Variants in SOX6 observed in about 807,000 individuals in gnomAD.
SOX6 encodes SRY-box transcription factor 6.
In SOX6, 11 loss-of-function variants were observed where a neutral mutation model predicts 97.8. The ratio of observed to expected loss-of-function variants is 0.11; its 90% CI spans 0.07 to 0.19. SOX6 has a LOEUF of 0.19. SOX6 is among the 10% of genes least tolerant of loss of function. The probability of loss-of-function intolerance (pLI) is 1.00; values close to 1 mark genes in which losing one functional copy is unlikely to be tolerated. For missense variants in SOX6, 810 were observed against 1,039.5 expected (o/e 0.78, Z 3.04); for synonymous variants, 360 against 371.4 (o/e 0.97, Z 0.35).
rs1404316043 is a variant in SOX6 at position 16,300,882 on chromosome 11, C to T, written c.445+17564G>A. ...TCATCATCCAATAATATTTATTAAGCACCATAAGATAAGATAAGGGATCAC... is the reference window on the plus strand; with the variant it reads ...TCATCATCCAATAATATTTATTAAGTACCATAAGATAAGATAAGGGATCAC... On this transcript the variant is annotated intron_variant, in intron 3 of 15. Transcript: ENST00000683767. The surrounding 1 kb of genome is among the most constrained non-coding windows in gnomAD (Gnocchi z 4.1). 2.0e-5 allele frequency among the ~76,000 whole-genome samples: 3 copies of T among 152,150 alleles called. No homozygotes were observed. Among genetic ancestry groups the T allele is most frequent in the Non-Finnish European group, 4.4e-5 (3 of 68,026 alleles).
At chr11:16,692,076 TGTGTGTGTGTGTGC>T (rs1482481946) in intron 3 of SOX6, among the ~76,000 whole-genome samples, 9 of 129,458 alleles carry the variant, frequency 7.0e-5, no homozygotes, top group African/African-American at 2.2e-4. Flanking sequence ...TGTGTGTGTG[TGTGTGTGTGTGTGC>T]GCGCGCGCGC....
chr11:16,004,583 C>T (rs1854497642), intron 13 of SOX6, among the ~76,000 whole-genome samples: 1 of 151,808 alleles, frequency 6.6e-6, no homozygotes, highest in Non-Finnish European at 1.5e-5. Context: ...CTGATGGGCC[C>T]ACCAATACTT....
chr11:15,969,651 C>T lies in SOX6; in HGVS notation c.*3158G>A, dbSNP rs1853247115. ...TAGAGAACAAAAAGGAAATACATAA[C>T]TTATATCTCACTAAGTATTCATGAA... On this transcript the variant is annotated 3_prime_UTR_variant, in exon 16 of 16. Coordinates refer to ENST00000683767, the MANE Select transcript of SOX6 (RefSeq NM_001367873.1). 6.6e-6 allele frequency: 1 copy of T among 152,012 alleles called. No individual in the cohort carries two copies. The allele number at this position is 152,012 out of a possible 1,614,324, so 9.4% of individuals were successfully genotyped here.
intron 9 of SOX6, among the ~76,000 whole-genome samples, chr11:16,088,293 T>C (rs1848617492): frequency 6.6e-6 from 1 of 152,126 alleles, no homozygotes; most frequent in Non-Finnish European, 1.5e-5. Context: ...CATTGACACA[T>C]CATAATCACC....
chr11:16,127,967 C>A (rs1178824036), intron 6 of SOX6, among the ~76,000 whole-genome samples: 1 of 152,158 alleles, frequency 6.6e-6, no homozygotes, highest in African/African-American at 2.4e-5. Flanking sequence ...CTTTAATAAA[C>A]AAACCTTACT....
At chr11:16,207,453 G>A (rs1003050467) in intron 4 of SOX6, among the ~76,000 whole-genome samples, 1 of 151,970 alleles carries the variant, frequency 6.6e-6, no homozygotes, top group African/African-American at 2.4e-5. Context: ...AAATTAGCCA[G>A]GCATGGTGGC....
chr11:16,160,769 T>C (rs1372679696), intron 6 of SOX6, among the ~76,000 whole-genome samples: 1 of 152,188 alleles, frequency 6.6e-6, no homozygotes, highest in African/African-American at 2.4e-5. Context: ...AGCAGCACAG[T>C]GAGCCCAGGG....
chr11:16,444,875 A>G (rs910005473), intron 1 of SOX6, among the ~76,000 whole-genome samples: 1 of 152,238 alleles, frequency 6.6e-6, no homozygotes, highest in Non-Finnish European at 1.5e-5. Context: ...AGTGGGTTAC[A>G]GATTGCTGGA....
Position 16,347,465 on chromosome 11 carries a change from C to T in SOX6, c.-4-6213G>A, listed in dbSNP as rs553718774. Among the ~76,000 whole-genome samples, 14 of 152,172 alleles carry T rather than the reference C, an allele frequency of 9.2e-5. No homozygotes were observed. The East Asian group carries it at 2.7e-3, about 29-fold the overall frequency. On this transcript the variant is annotated intron_variant, in intron 1 of 15. Transcript: ENST00000683767. ...ACTAACTTAGAGGATTTTAATCTAG[C>T]ACAATGACTTTATAGCTCAACGAAA...
At chr11:16,286,741 T>C (rs1370254233) in intron 3 of SOX6, among the ~76,000 whole-genome samples, 1 of 152,176 alleles carries the variant, frequency 6.6e-6, no homozygotes, top group African/African-American at 2.4e-5. Flanking sequence ...TCATGTTTCA[T>C]ATAAGGAATA....
intron 3 of SOX6, among the ~76,000 whole-genome samples, chr11:16,265,416 G>C (rs932116896): frequency 6.6e-6 from 1 of 151,688 alleles, no homozygotes; most frequent in Non-Finnish European, 1.5e-5. Flanking sequence ...GCCTTATCCT[G>C]CTTGGAAACT....
At chr11:16,534,803 T>C (rs1270295296) in intron 4 of SOX6, among the ~76,000 whole-genome samples, 1 of 152,206 alleles carries the variant, frequency 6.6e-6, no homozygotes, top group East Asian at 1.9e-4. Flanking sequence ...AAGAGACATT[T>C]AGAAAAGCTT....
chr11:16,117,468 G>T (rs12575412), intron 6 of SOX6, among the ~76,000 whole-genome samples: 14,209 of 152,178 alleles, frequency 0.093, 1,344 homozygotes, highest in East Asian at 0.37. Context: ...ATGACCCAAT[G>T]CAAGTGATAT....
chr11:16,565,721 TAAAAAAAAAAAAA>T lies in SOX6; in HGVS notation n.609+46347_609+46359del, dbSNP rs869172397. On this transcript the variant is annotated intron_variant and non_coding_transcript_variant, in intron 4 of 5. Transcript: ENST00000524520. ...AAAAATAAAAAAATAAATAAATAAA[TAAAAAAAAAAAAA>T]AAAAAAAAAAAAAAAAAAAAAAAAC... Among the ~76,000 whole-genome samples, 20 of 6,484 alleles carry T rather than the reference TAAAAAAAAAAAAA, an allele frequency of 3.1e-3. 4 individuals are homozygous for T. Among genetic ancestry groups the T allele is most frequent in the African/African-American group, 0.011 (20 of 1,844 alleles). The allele number at this position is 6,484 out of a possible 152,430, so 4.3% of individuals were successfully genotyped here.
intron 9 of SOX6, among the ~76,000 whole-genome samples, chr11:16,095,015 T>C (rs1002012258): frequency 6.6e-6 from 1 of 151,832 alleles, no homozygotes; most frequent in East Asian, 1.9e-4. Flanking sequence ...GACTACATAG[T>C]GTTTGAGCTA....
chr11:16,484,722 A>G, intron 4 of SOX6: 2 of 514,206 alleles, frequency 3.9e-6, no homozygotes, highest in Non-Finnish European at 7.0e-6. Context: ...AGTTCAGTCC[A>G]AGATAAATCT....
At chr11:16,172,481 T>C (rs1345191537) in intron 6 of SOX6, among the ~76,000 whole-genome samples, 3 of 152,010 alleles carry the variant, frequency 2.0e-5, no homozygotes, top group Non-Finnish European at 4.4e-5. Context: ...GGGGCAAGCA[T>C]TACAAGCCAT....
At chr11:16,472,625 C>T (rs538666226) in intron 1 of SOX6, among the ~76,000 whole-genome samples, 14 of 151,980 alleles carry the variant, frequency 9.2e-5, no homozygotes, top group African/African-American at 2.9e-4. Context: ...ATTATTAAAA[C>T]ATTAAAAATA....
chr11:16,250,887 T>C (rs1172202129), intron 3 of SOX6, among the ~76,000 whole-genome samples: 1 of 152,030 alleles, frequency 6.6e-6, no homozygotes, highest in Non-Finnish European at 1.5e-5. Flanking sequence ...CAAGTGCACA[T>C]AGAAAATGAC....
Sources: allele counts gnomAD v4.1 joint callset (sites outside exome capture counted in the v4.1 genomes callset), GRCh38; gene constraint gnomAD v4.1.1; non-coding constraint Gnocchi (gnomAD v3.1); transcripts MANE v1.5; gene names NCBI Gene and HGNC (gene_info 2026-07-23, HGNC 2026-07-21).